CCDC18: variants seen among roughly 807,000 people sequenced by gnomAD.
CCDC18 encodes coiled-coil domain containing 18, also known as coiled-coil domain-containing protein 18.
In CCDC18, 157 loss-of-function variants were observed where a neutral mutation model predicts 196.0. The observed-to-expected ratio is 0.80, with a 90% CI of 0.70 to 0.91. The LOEUF is 0.91. CCDC18 is among the 40% of genes least tolerant of loss of function. The pLI, the probability that CCDC18 is intolerant of heterozygous loss-of-function variation, is 0.00. For synonymous variants in CCDC18, 482 were observed against 529.2 expected, an observed-to-expected ratio of 0.91 and a Z score of 1.22; for missense variants, 1,465 against 1,611.6, an observed-to-expected ratio of 0.91 and a Z score of 1.56.
Position 93,239,677 on chromosome 1 carries a change from T to G in CCDC18, c.2768-6T>G, listed in dbSNP as rs1328569703. ...TAGTTATAAAATTATTCTCTCCTCT[T>G]AATAGTAAAGGAGTTAGAAAAGTTA... On this transcript the variant is annotated splice_region_variant and splice_polypyrimidine_tract_variant and intron_variant, in intron 20 of 28. Coordinates refer to ENST00000690025, the MANE Select transcript of CCDC18 (RefSeq NM_001378204.1). 1.3e-6 allele frequency: 2 copies of G among 1,581,778 alleles called. No homozygotes were observed. The highest frequency in any genetic ancestry group is 1.4e-5 in the African/African-American group (1 of 73,896).
chr1:93,270,385 A>G lies in CCDC18; in HGVS notation c.3924A>G (p.Gly1308=). 2 of 1,549,528 alleles carry G rather than the reference A, an allele frequency of 1.3e-6. No homozygotes were observed. The highest frequency in any genetic ancestry group is 1.7e-6 in the Non-Finnish European group (2 of 1,146,232). The change falls in exon 28 of 29, where the codon GGA becomes GGG. Residue 1308 remains glycine, a synonymous_variant. Coordinates refer to ENST00000690025, the MANE Select transcript of CCDC18 (RefSeq NM_001378204.1). Reference sequence around the variant, plus strand: ...CCAGATTACAGGCCAAAATTTCTGGACATGAAAAGGCAGAAGACATCAAGT... The same window carrying G: ...CCAGATTACAGGCCAAAATTTCTGGGCATGAAAAGGCAGAAGACATCAAGT... The part of the protein sequence containing the change: ...ELTRLQAKIS[G]HEKAEDIKFL...
At chr1:93,201,122 T>C (rs922581932) in intron 6 of CCDC18, among the ~76,000 whole-genome samples, 17 of 152,154 alleles carry the variant, frequency 1.1e-4, no homozygotes, top group Admixed American at 2.0e-4. Flanking sequence ...AGAATGAAAA[T>C]ACAGAAGCTA....
chr1:93,261,224 TTAA>T (rs1663741114), intron 26 of CCDC18, among the ~76,000 whole-genome samples: 1 of 152,174 alleles, frequency 6.6e-6, no homozygotes, highest in Admixed American at 6.6e-5. Context: ...AGAAAATCAC[TTAA>T]TAATAAATGT....
In CCDC18 at chr1:93,258,472, A is replaced by G. The variant is rs76826369; in HGVS notation, c.3547-276A>G. Among the ~76,000 whole-genome samples the G allele has an allele frequency of 9.6e-3, 1,461 of 152,270 alleles. 14 individuals are homozygous for G. The highest frequency in any genetic ancestry group is 0.024 in the South Asian group (114 of 4,826). On this transcript the variant is annotated intron_variant, in intron 25 of 28. Coordinates refer to ENST00000690025, the MANE Select transcript of CCDC18 (RefSeq NM_001378204.1). ...AGTAGACTGTTATCTGCCAGAGTTC[A>G]GTGTCCTGAGGTTATTATTAATAGT...
intron 12 of CCDC18, among the ~76,000 whole-genome samples, 191 bp downstream of exon 12, chr1:93,215,157 G>A (rs1007059233): frequency 3.3e-5 from 5 of 152,156 alleles, no homozygotes; most frequent in African/African-American, 1.2e-4. Flanking sequence ...AAAAGTTAAA[G>A]TTATTAAAAG....
chr1:93,215,740 G>A (rs1274312580), intron 12 of CCDC18, among the ~76,000 whole-genome samples: 1 of 152,182 alleles, frequency 6.6e-6, no homozygotes, highest in Non-Finnish European at 1.5e-5. Context: ...ACTGGTGTGA[G>A]CCACCACACC....
Position 93,246,145 on chromosome 1 carries a change from C to T in CCDC18, c.3022C>T (p.Leu1008Phe). ...GATTGAAGACAAAAAGCAGGAGCTC[C>T]TTGAAATGGATCAGGCACTTAAAGA... is the stretch of plus-strand genomic sequence containing the variant. The part of the protein sequence containing the change: ...MEIEDKKQEL[L>F]EMDQALKERN... The change falls in exon 22 of 29, where the codon CTT becomes TTT. Residue 1008 changes from leucine to phenylalanine, a missense_variant. By Grantham distance (22) the Leu-to-Phe change is conservative (BLOSUM62 0). Coordinates refer to ENST00000690025, the MANE Select transcript of CCDC18 (RefSeq NM_001378204.1). The T allele has an allele frequency of 1.2e-6, 2 of 1,605,932 alleles. No individual in the cohort carries two copies. Among genetic ancestry groups the T allele is most frequent in the Non-Finnish European group, 1.7e-6 (2 of 1,176,320 alleles).
chr1:93,207,929 G>T (rs1432140653), intron 9 of CCDC18, among the ~76,000 whole-genome samples: 1 of 152,070 alleles, frequency 6.6e-6, no homozygotes, highest in Admixed American at 6.5e-5. Context: ...TCTTAGAGTC[G>T]TTCATGTTGT....
intron 3 of CCDC18, among the ~76,000 whole-genome samples, chr1:93,184,402 C>T (rs949428526): frequency 6.6e-6 from 1 of 151,756 alleles, no homozygotes; most frequent in Non-Finnish European, 1.5e-5. Flanking sequence ...TACCTTTTTG[C>T]AGTTAAATGT....
chr1:93,226,504 A>C (rs757395270), intron 17 of CCDC18, 55 bp downstream of exon 17: 27 of 711,516 alleles, frequency 3.8e-5, no homozygotes, highest in Non-Finnish European at 6.3e-5. Flanking sequence ...TTTTTTTAAG[A>C]AGCATGAGAT....
chr1:93,221,556 A>C, intron 14 of CCDC18, 53 bp from the exon 15 acceptor site: 1 of 1,242,646 alleles, frequency 8.0e-7, no homozygotes. Flanking sequence ...TAATATTTAA[A>C]ATGTTTCAAA....
At position 93,234,934 on chromosome 1, in the gene CCDC18, A is replaced by AGTGTGTGTGTGTGTGTGTGTGT. The variant is rs759186009; in HGVS notation, c.2461-1313_2461-1312insTGTGTGTGTGTGTGTGTGTGTG. Among the ~76,000 whole-genome samples, 82 of 67,868 alleles carry AGTGTGTGTGTGTGTGTGTGTGT rather than the reference A, an allele frequency of 1.2e-3. No homozygotes were observed. In the East Asian group the frequency reaches 0.013, roughly 11 times the overall value. The allele number at this position is 67,868 out of a possible 152,430, so 44.5% of individuals were successfully genotyped here. A position where few individuals can be genotyped will look rare whatever the true frequency, so the allele number is the denominator to read the frequency against. On this transcript the variant is annotated intron_variant, in intron 18 of 28. Transcript: ENST00000690025. ...AAGTGCATACCACCATGCCCAGCTA[A>AGTGTGTGTGTGTGTGTGTGTGT]GAGTGTGTGTGTGTGTGTGTGTGTG...
chr1:93,270,874 AC>A lies in CCDC18; in HGVS notation c.4353+61del, dbSNP rs1270595712. 3.6e-6 allele frequency: 5 copies of A among 1,375,050 alleles called. No individual in the cohort carries two copies. In the East Asian group the frequency reaches 1.3e-4, roughly 35 times the overall value. The allele number at this position is 1,375,050 out of a possible 1,614,324, so 85.2% of individuals were successfully genotyped here. The stretch of plus-strand genomic sequence containing the variant: ...TGTTTCCAAAGAATATCATTTTATT[AC>A]TTGGAAGAAAATTCATATATTTAAA... On this transcript the variant is annotated intron_variant, in intron 28 of 28. Transcript: ENST00000690025.
chr1:93,217,947 G>C (rs1245436624), intron 14 of CCDC18, 78 bp downstream of exon 14: 1 of 1,201,798 alleles, frequency 8.3e-7, no homozygotes, highest in African/African-American at 1.5e-5. Context: ...TTATTTTGTA[G>C]ACGAGGACAC....
At chr1:93,252,248 C>T (rs1662360827) in intron 23 of CCDC18, among the ~76,000 whole-genome samples, 1 of 152,074 alleles carries the variant, frequency 6.6e-6, no homozygotes. Flanking sequence ...CACTATGTGA[C>T]TCAGTCTGGT....
At chr1:93,185,990 T>C (rs12118262) in intron 3 of CCDC18, among the ~76,000 whole-genome samples, 79,890 of 151,776 alleles carry the variant, frequency 0.53, 24,220 homozygotes, top group South Asian at 0.68. Flanking sequence ...CTCTGGACAA[T>C]GTAGCTATGA....
intron 16 of CCDC18, among the ~76,000 whole-genome samples, chr1:93,225,776 CA>C (rs34857910): frequency 0.1 from 13,427 of 130,154 alleles, 1,815 homozygotes; most frequent in African/African-American, 0.33. Flanking sequence ...GACTTTGTCT[CA>C]AAAAAAAAAA....
At chr1:93,180,030 G>C (rs202235726), upstream of CCDC18, 1 of 1,604,700 alleles carries the variant, frequency 6.2e-7, no homozygotes, top group African/African-American at 1.3e-5. Flanking sequence ...AAAGGAAGGA[G>C]GCTGGTTTAT....
At chr1:93,195,461 T>C (rs1346999297) in intron 6 of CCDC18, among the ~76,000 whole-genome samples, 1 of 152,194 alleles carries the variant, frequency 6.6e-6, no homozygotes, top group Non-Finnish European at 1.5e-5. Flanking sequence ...CTCTTGGAGC[T>C]TTTTGAAGAA....
Sources: gnomAD v4.1 joint callset for allele counts (sites outside exome capture counted in the v4.1 genomes callset) on GRCh38, gnomAD v4.1.1 for gene constraint, MANE v1.5 for transcripts, NCBI Gene and HGNC (gene_info 2026-07-23, HGNC 2026-07-21) for gene names.